The following OBSL1 variants were observed in gnomAD, a reference collection of about 807,000 sequenced individuals.
OBSL1 encodes obscurin like cytoskeletal adaptor 1.
In OBSL1, 160 loss-of-function variants were observed where a neutral mutation model predicts 172.0. The observed-to-expected ratio is 0.93, with a 90% CI of 0.82 to 1.06. The LOEUF (loss-of-function observed/expected upper bound fraction) is 1.06, where lower values mean the gene tolerates loss of function less well. OBSL1 is among the 50% of genes least tolerant of loss of function. The pLI is 0.00. For synonymous variants in OBSL1, 1,200 were observed against 1,196.3 expected (o/e 1.00, Z -0.06); for missense variants, 2,681 against 2,715.4 (o/e 0.99, Z 0.28).
Position 219,551,800 on chromosome 2 carries a change from TG to T in OBSL1, c.5414-3del. On this transcript the variant is annotated splice_region_variant and splice_polypyrimidine_tract_variant and intron_variant, in intron 19 of 20. Transcript: ENST00000404537. ...GGCGGCACATCTGGAGAGGCAATGC[TG>T]GGGGTAGGGGGCGGGGGCTTAAGTT... is the stretch of plus-strand genomic sequence containing the variant. 6.4e-7 allele frequency: 1 copy of T among 1,557,968 alleles called. No homozygotes were observed. The highest frequency in any genetic ancestry group is 8.7e-7 in the Non-Finnish European group (1 of 1,146,022).
Position 219,563,317 on chromosome 2 carries a change from C to G in OBSL1, c.2680+38G>C, listed in dbSNP as rs755987000. ...AGCTGTTCCAGTGGGAGCAGGGGCA[C>G]CTTCCCCTGTGCCTCCGAGGCCCAC... On this transcript the variant is annotated intron_variant, in intron 7 of 20. Transcript: ENST00000404537. 1.1e-5 allele frequency: 16 copies of G among 1,520,182 alleles called. No homozygotes were observed. In the East Asian group the frequency reaches 3.8e-4, roughly 36 times the overall value. The allele number at this position is 1,520,182 out of a possible 1,614,324, so 94.2% of individuals were successfully genotyped here.
chr2:219,547,834 G>A, downstream of OBSL1: 5 of 1,589,294 alleles, frequency 3.1e-6, no homozygotes, highest in African/African-American at 1.3e-5. Flanking sequence ...TGCTCACTCT[G>A]CGCTGGCCCC....
Position 219,563,352 on chromosome 2 carries a change from C to T in OBSL1, c.2680+3G>A. On this transcript the variant is annotated splice_donor_region_variant and intron_variant, in intron 7 of 20. Transcript: ENST00000404537. Reference sequence around the variant, plus strand: ...TGCCTCCGAGGCCCACCTGGCCCCCCACCTGTGATGGTGACAGTGAAGTAG... The same window carrying T: ...TGCCTCCGAGGCCCACCTGGCCCCCTACCTGTGATGGTGACAGTGAAGTAG... 2 of 1,559,116 alleles carry T rather than the reference C, an allele frequency of 1.3e-6. No homozygotes were observed. The highest frequency in any genetic ancestry group is 2.3e-5 in the East Asian group (1 of 44,080).
chr2:219,559,984 C>T (rs72957521), intron 8 of OBSL1, among the ~76,000 whole-genome samples: 29,898 of 152,144 alleles, frequency 0.2, 3,531 homozygotes, highest in East Asian at 0.28. Context: ...ACTTGGAATA[C>T]AAAACTTACA....
intron 14 of OBSL1, 53 bp downstream of exon 14, chr2:219,555,967 A>C (rs1695965845): frequency 6.3e-7 from 1 of 1,585,880 alleles, no homozygotes; most frequent in South Asian, 1.1e-5. Flanking sequence ...GGACAGCCAG[A>C]AAAGGCTGTG....
downstream of OBSL1, chr2:219,547,618 G>A: frequency 6.6e-7 from 1 of 1,512,708 alleles, no homozygotes; most frequent in Middle Eastern, 1.9e-4. Context: ...TGAGTGCTGG[G>A]GCGAGCGCGG....
At chr2:219,547,314 A>C (rs563635650), downstream of OBSL1, 28 of 466,792 alleles carry the variant, frequency 6.0e-5, no homozygotes, top group African/African-American at 1.2e-4. Context: ...CAACAGCCAT[A>C]TCTCTCTAAC....
rs370586726 is a variant in OBSL1, at chr2:219,555,926, GGGCACT to G, written c.4609+88_4609+93del. On this transcript the variant is annotated intron_variant, in intron 14 of 20. Coordinates refer to ENST00000404537, the MANE Select transcript of OBSL1 (RefSeq NM_015311.3). ...ATGGGTGACTTTTCTCAGCGATGAG[GGGCACT>G]TTGGTGGGGGCCTGAGGGACTCCAG... The G allele has an allele frequency of 1.5e-4, 230 of 1,528,984 alleles. No individual in the cohort carries two copies. In the African/African-American group the frequency reaches 2.9e-3, roughly 19 times the overall value. 94.7% of individuals were successfully genotyped at this position (1,528,984 alleles called of 1,614,324 possible).
downstream of OBSL1, chr2:219,549,314 C>T: frequency 6.2e-7 from 1 of 1,613,834 alleles, no homozygotes; most frequent in Non-Finnish European, 8.5e-7. Flanking sequence ...CGGCGCAGGC[C>T]AGTGCCCATC....
In OBSL1 at chr2:219,552,666, C is replaced by T. The variant is rs1185404758; in HGVS notation, c.5178G>A (p.Arg1726=). ...ERTVAVLSEL[R]SVSAREGDGA... Reference sequence around the variant, plus strand: ...CGTCGCCTTCGCGGGCGCTCACCGACCGCAGCTCGGAGAGTACCGCCACAG... The same window carrying T: ...CGTCGCCTTCGCGGGCGCTCACCGATCGCAGCTCGGAGAGTACCGCCACAG... The change falls in exon 18 of 21, where the codon CGG becomes CGA. Residue 1726 remains arginine, a synonymous_variant. Coordinates refer to ENST00000404537, the MANE Select transcript of OBSL1 (RefSeq NM_015311.3). 5 of 1,538,946 alleles carry T rather than the reference C, an allele frequency of 3.2e-6. No individual in the cohort carries two copies. The South Asian group carries it at 5.9e-5, about 18-fold the overall frequency.
Position 219,570,702 on chromosome 2 carries a change from G to A in OBSL1, c.531C>T (p.Phe177=). ...CCTCGGCGCGGCCCGGCTGGAGCGC[G>A]AAGTGGCTGCTGTCCCACACTTCGT... ...ALDEVWDSSH[F]ALQPGRAEDG... Residue 177 remains phenylalanine (F), a synonymous_variant, in exon 1 of 21, where the codon TTC becomes TTT. Transcript: ENST00000404537. 1 of 1,509,438 alleles carries A rather than the reference G, an allele frequency of 6.6e-7. No individual in the cohort carries two copies. Among genetic ancestry groups the A allele is most frequent in the East Asian group, 2.7e-5 (1 of 37,288 alleles). The allele number at this position is 1,509,438 out of a possible 1,614,324, so 93.5% of individuals were successfully genotyped here. A position where few individuals can be genotyped will look rare whatever the true frequency, so the allele number is the denominator to read the frequency against.
In OBSL1 at chr2:219,563,446, G is replaced by C. The variant is rs766240422; in HGVS notation, c.2589C>G (p.Arg863=). ...VVLENEGPHR[R]LVLPATQPSD... ...AGGGCTGGGTGGCGGGCAGCACCAGGCGGCGATGGGGCCCCTCATTCTCCA... is the reference window on the plus strand; with the variant it reads ...AGGGCTGGGTGGCGGGCAGCACCAGCCGGCGATGGGGCCCCTCATTCTCCA... The change falls in exon 7 of 21, where the codon CGC becomes CGG. Residue 863 remains arginine, a synonymous_variant. Coordinates refer to ENST00000404537, the MANE Select transcript of OBSL1 (RefSeq NM_015311.3). 1 of 1,613,810 alleles carries C rather than the reference G, an allele frequency of 6.2e-7. No homozygotes were observed. The highest frequency in any genetic ancestry group is 1.1e-5 in the South Asian group (1 of 91,070).
intron 20 of OBSL1, 125 bp from the exon 21 acceptor site, chr2:219,550,967 G>C: frequency 6.5e-7 from 1 of 1,536,346 alleles, no homozygotes; most frequent in Middle Eastern, 2.0e-4. Context: ...ACCCTTTCTG[G>C]GCCTTGGTTA....
At chr2:219,549,068 C>A (rs1021074788), downstream of OBSL1, 3 of 1,498,510 alleles carry the variant, frequency 2.0e-6, no homozygotes, top group Admixed American at 3.5e-5. Flanking sequence ...AAGCCTAGAG[C>A]CACAGGTGGG....
intron 8 of OBSL1, among the ~76,000 whole-genome samples, chr2:219,561,164 G>T (rs1213651294): frequency 3.3e-5 from 5 of 152,120 alleles, no homozygotes; most frequent in African/African-American, 1.2e-4. Context: ...GAGCAGGGGG[G>T]CCCTAAACAG....
At chr2:219,557,227 G>T in intron 12 of OBSL1, 116 bp downstream of exon 12, 2 of 1,009,266 alleles carry the variant, frequency 2.0e-6, no homozygotes, top group Non-Finnish European at 2.8e-6. Context: ...GGTCATGCAC[G>T]CACTGGTTGG....
At chr2:219,559,547 T>C in intron 8 of OBSL1, 50 bp from the exon 9 acceptor site, 1 of 1,570,128 alleles carries the variant, frequency 6.4e-7, no homozygotes, top group Non-Finnish European at 8.7e-7. Flanking sequence ...CGTCAGCCTC[T>C]CTGGAGCCAT....
rs764426676 is a variant in OBSL1 at position 219,558,103 on chromosome 2, T to TGGAG, written c.3506_3509dup (p.Val1171SerfsTer27). The TGGAG allele has an allele frequency of 1.9e-6, 3 of 1,613,324 alleles. No homozygotes were observed. In the East Asian group the frequency reaches 6.7e-5, roughly 36 times the overall value. ...TTGTCTCTAGAGCAAGGAACTGCAC[T>TGGAG]GGAGGCTCTGGAGAAGAGAGGAAGG... On this transcript the variant is annotated frameshift_variant, in exon 11 of 21. Coordinates refer to ENST00000404537, the MANE Select transcript of OBSL1 (RefSeq NM_015311.3). LOFTEE classifies it high-confidence loss of function.
In OBSL1 at chr2:219,571,165, A is replaced by G; in HGVS notation, c.68T>C (p.Val23Ala). The G allele has an allele frequency of 6.8e-7, 1 of 1,471,918 alleles. No homozygotes were observed. The highest frequency in any genetic ancestry group is 1.5e-5 in the African/African-American group (1 of 68,710). The allele number at this position is 1,471,918 out of a possible 1,614,324, so 91.2% of individuals were successfully genotyped here. A position where few individuals can be genotyped will look rare whatever the true frequency, so the allele number is the denominator to read the frequency against. Residue 23 changes from valine (V) to alanine (A), a missense_variant, in exon 1 of 21, where the codon GTG becomes GCG. Coordinates refer to ENST00000404537, the MANE Select transcript of OBSL1 (RefSeq NM_015311.3). ...CFLRFPRPVRVVSGAEAELKC... is the reference protein window; with the variant it reads ...CFLRFPRPVRAVSGAEAELKC... ...GAGCTCGGCCTCGGCGCCACTTACC[A>G]CCCGCACAGGCCGCGGGAAGCGCAG...
Sources: gnomAD v4.1 joint callset for allele counts (sites outside exome capture counted in the v4.1 genomes callset) on GRCh38, gnomAD v4.1.1 for gene constraint, MANE v1.5 for transcripts, NCBI Gene and HGNC (gene_info 2026-07-23, HGNC 2026-07-21) for gene names.